SAMSN1: variants seen among roughly 807,000 people sequenced by gnomAD.
SAMSN1 encodes the protein SAM domain-containing protein SAMSN-1.
In SAMSN1, 31 loss-of-function variants were observed where a neutral mutation model predicts 42.0. The observed-to-expected ratio is 0.74, with a 90% confidence interval of 0.55 to 1.00. The LOEUF (loss-of-function observed/expected upper bound fraction) is 1.00. Among genes scored for constraint, SAMSN1 ranks in the 50% least tolerant of loss-of-function variants. SAMSN1 has a pLI of 0.00. For missense variants in SAMSN1, 464 were observed against 439.4 expected (o/e 1.06, Z -0.50); for synonymous variants, 178 against 151.9 (o/e 1.17, Z -1.26).
intron 2 of SAMSN1, among the ~76,000 whole-genome samples, chr21:14,625,220 G>A (rs933581913): frequency 6.6e-6 from 1 of 152,064 alleles, no homozygotes; most frequent in African/African-American, 2.4e-5. Context: ...ACTGGCACAA[G>A]ACAGGGATGC....
At chr21:14,540,821 G>A (rs952276448) in intron 1 of SAMSN1, among the ~76,000 whole-genome samples, 6 of 152,262 alleles carry the variant, frequency 3.9e-5, no homozygotes, top group African/African-American at 1.4e-4. Flanking sequence ...CTGCTATAAA[G>A]ACACATGCAC....
intron 4 of SAMSN1, among the ~76,000 whole-genome samples, chr21:14,511,496 G>T (rs760536695): frequency 2.6e-5 from 4 of 152,122 alleles, no homozygotes; most frequent in African/African-American, 9.7e-5. Flanking sequence ...ATGTTTCTGT[G>T]TTAGCTTTTG....
At chr21:14,582,981 A>G (rs143716344) in intron 1 of SAMSN1, among the ~76,000 whole-genome samples, 1 of 152,318 alleles carries the variant, frequency 6.6e-6, no homozygotes, top group African/African-American at 2.4e-5. Flanking sequence ...TTTAATATCA[A>G]TCTACCAAGA....
At position 14,631,205 on chromosome 21, in the gene SAMSN1, C is replaced by T. The variant is rs146650577; in HGVS notation, c.156+11797G>A. Among the ~76,000 whole-genome samples, 197 of 152,286 alleles carry T rather than the reference C, an allele frequency of 1.3e-3. 2 individuals are homozygous for T. The highest frequency in any genetic ancestry group is 0.011 in the South Asian group (52 of 4,824). On this transcript the variant is annotated intron_variant, in intron 2 of 15. Transcript: ENST00000647101. ...CCATGGGACTTGTACCATTAAACTA[C>T]GAACCACAGTTATGTACTTAGAGTT...
upstream of SAMSN1, among the ~76,000 whole-genome samples, chr21:14,583,999 A>AT (rs34155133): frequency 0.16 from 23,255 of 149,082 alleles, 1,860 homozygotes; most frequent in South Asian, 0.23. Context: ...TGGTTTTACC[A>AT]TTTTTTTTTT....
chr21:14,512,884 T>C (rs941285296), intron 3 of SAMSN1, among the ~76,000 whole-genome samples: 2 of 152,240 alleles, frequency 1.3e-5, no homozygotes, highest in African/African-American at 4.8e-5. Context: ...TTGACATCTA[T>C]GGTTTATCTT....
chr21:14,601,850 T>G (rs1452378037), intron 6 of SAMSN1, among the ~76,000 whole-genome samples: 1 of 152,212 alleles, frequency 6.6e-6, no homozygotes, highest in Non-Finnish European at 1.5e-5. Flanking sequence ...TTTTTTTCAT[T>G]TATATTTCAA....
At chr21:14,649,188 A>C (rs968693225) in intron 1 of SAMSN1, among the ~76,000 whole-genome samples, 1 of 149,794 alleles carries the variant, frequency 6.7e-6, no homozygotes. Flanking sequence ...AACCCAACAC[A>C]GCATATTCTC....
chr21:14,491,528 T>C (rs981399926), intron 7 of SAMSN1, among the ~76,000 whole-genome samples: 7 of 152,364 alleles, frequency 4.6e-5, no homozygotes, highest in Admixed American at 2.6e-4. Flanking sequence ...GAGGGAAATC[T>C]GTACAAACAA....
chr21:14,531,262 T>C (rs1979250710), intron 1 of SAMSN1, among the ~76,000 whole-genome samples: 1 of 152,136 alleles, frequency 6.6e-6, no homozygotes, highest in Admixed American at 6.5e-5. Flanking sequence ...TTGTAATAAG[T>C]GACTGATTTT....
At chr21:14,658,759 A>C (rs1409255816) in exon 1 of SAMSN1, 4 of 715,680 alleles carry the variant, frequency 5.6e-6, no homozygotes, top group South Asian at 1.5e-5. Flanking sequence ...AGCGAAATGC[A>C]GAAAAGATTC....
intron 1 of SAMSN1, among the ~76,000 whole-genome samples, chr21:14,657,026 T>C (rs902471964): frequency 5.9e-5 from 9 of 151,776 alleles, no homozygotes; most frequent in Admixed American, 1.3e-4. Flanking sequence ...AAACATGTTT[T>C]GGATTTTGCA....
intron 3 of SAMSN1, among the ~76,000 whole-genome samples, chr21:14,516,050 C>T (rs1413148424): frequency 6.6e-6 from 1 of 152,142 alleles, no homozygotes; most frequent in Non-Finnish European, 1.5e-5. Context: ...AACCCTCATA[C>T]ATTGTTGATG....
At chr21:14,625,769 A>G (rs955066790) in intron 2 of SAMSN1, among the ~76,000 whole-genome samples, 77 of 152,328 alleles carry the variant, frequency 5.1e-4, no homozygotes, top group African/African-American at 1.5e-3. Context: ...ACAGAATTGG[A>G]AAAAACTACT....
At chr21:14,643,897 C>T (rs997308502) in intron 1 of SAMSN1, among the ~76,000 whole-genome samples, 1 of 152,204 alleles carries the variant, frequency 6.6e-6, no homozygotes, top group Admixed American at 6.5e-5. Context: ...CGGCATTGAA[C>T]TTAGTGCTGT....
At chr21:14,529,626 A>G (rs1003970990) in intron 1 of SAMSN1, among the ~76,000 whole-genome samples, 1 of 152,238 alleles carries the variant, frequency 6.6e-6, no homozygotes, top group Non-Finnish European at 1.5e-5. Context: ...AATGTATACT[A>G]TATTAGTACC....
chr21:14,548,596 C>T (rs568283112), upstream of SAMSN1, among the ~76,000 whole-genome samples: 12 of 151,938 alleles, frequency 7.9e-5, no homozygotes, highest in East Asian at 1.6e-3. Flanking sequence ...CCTTCAAGTA[C>T]GGGTGGAAAA....
chr21:14,498,537 T>C lies in SAMSN1; in HGVS notation c.824A>G (p.Asp275Gly). ...TTCAATGAGGTGACTCTCTTTTATA[T>C]CTTTTAAATCTTCTAGAGTCTCATA... ...NGYETLEDLK[D>G]IKESHLIELN... is the part of the protein sequence containing the mutation. The change falls in exon 7 of 8, where the codon GAT becomes GGT. Residue 275 changes from aspartate to glycine, a missense_variant. Coordinates refer to ENST00000400566, the MANE Select transcript of SAMSN1 (RefSeq NM_022136.5). 1.2e-6 allele frequency: 2 copies of C among 1,610,748 alleles called. No homozygotes were observed. The highest frequency in any genetic ancestry group is 1.1e-5 in the South Asian group (1 of 90,518).
rs1222039910 is a variant in SAMSN1, at chr21:14,616,072, A to T, written c.157-56T>A. 3 of 519,612 alleles carry T rather than the reference A, an allele frequency of 5.8e-6. 1 individual carries two copies. In the Admixed American group the frequency reaches 9.7e-5, roughly 17 times the overall value. 32.2% of individuals were successfully genotyped at this position (519,612 alleles called of 1,614,324 possible). A position where few individuals can be genotyped will look rare whatever the true frequency, so the allele number is the denominator to read the frequency against. ...AATAAATAACATAAAATAAGACAAAACTATATCAAGAGATCTGAAAGAGAA... is the reference window on the plus strand; with the variant it reads ...AATAAATAACATAAAATAAGACAAATCTATATCAAGAGATCTGAAAGAGAA... On this transcript the variant is annotated intron_variant, in intron 2 of 15. Transcript: ENST00000647101.
Sources: gnomAD v4.1 joint callset for allele counts (sites outside exome capture counted in the v4.1 genomes callset) on GRCh38, gnomAD v4.1.1 for gene constraint, MANE v1.5 for transcripts, NCBI Gene and HGNC (gene_info 2026-07-23, HGNC 2026-07-21) for gene names.